The following PDZRN3 variants were observed in gnomAD, a reference collection of about 807,000 sequenced individuals.
PDZRN3 encodes the protein PDZ domain containing ring finger 3.
Under a neutral mutation model 85.7 loss-of-function variants are expected in PDZRN3, and 38 were observed. The observed-to-expected ratio is 0.44, with a 90% CI of 0.34 to 0.58. PDZRN3 has a LOEUF of 0.58. PDZRN3 is among the 20% of genes least tolerant of loss of function. The pLI, the probability that PDZRN3 is intolerant of heterozygous loss-of-function variation, is 0.01. For missense variants in PDZRN3, 1,629 were observed against 1,506.4 expected (o/e 1.08, Z -1.35); for synonymous variants, 759 against 638.0 (o/e 1.19, Z -2.86).
intron 3 of PDZRN3, among the ~76,000 whole-genome samples, chr3:73,539,301 G>A (rs1030076822): frequency 2.6e-5 from 4 of 152,272 alleles, no homozygotes; most frequent in Middle Eastern, 6.8e-3. Flanking sequence ...TTCAATCAAG[G>A]GATGTTTTGG....
intron 3 of PDZRN3, among the ~76,000 whole-genome samples, chr3:73,563,004 TATATATA>T (rs1362890290): frequency 8.3e-4 from 32 of 38,752 alleles, no homozygotes; most frequent in African/African-American, 2.8e-3. Context: ...TATATATATA[TATATATA>T]TATTTTTTTT....
chr3:73,520,630 C>T (rs79842636), intron 3 of PDZRN3, among the ~76,000 whole-genome samples: 2,204 of 151,892 alleles, frequency 0.015, 46 homozygotes, highest in African/African-American at 0.05. Flanking sequence ...AGCAGAGGGG[C>T]GGGAAAAGGA....
chr3:73,529,748 T>C (rs987656745), intron 3 of PDZRN3, among the ~76,000 whole-genome samples: 6 of 152,354 alleles, frequency 3.9e-5, no homozygotes, highest in Admixed American at 6.5e-5. Flanking sequence ...CTTGATTGAC[T>C]TACTCATTAA....
chr3:73,390,194 G>A (rs926501656), intron 6 of PDZRN3, among the ~76,000 whole-genome samples: 3 of 152,172 alleles, frequency 2.0e-5, no homozygotes, highest in African/African-American at 7.2e-5. Context: ...CAATGATGTA[G>A]AACAGGTTAA....
chr3:73,607,281 T>C (rs554524306), intron 2 of PDZRN3, among the ~76,000 whole-genome samples: 1 of 152,364 alleles, frequency 6.6e-6, no homozygotes, highest in African/African-American at 2.4e-5. Flanking sequence ...CGTAACTTTT[T>C]ATAAGGCACA....
chr3:73,410,066 G>A (rs1043578761), intron 3 of PDZRN3, among the ~76,000 whole-genome samples: 3 of 152,096 alleles, frequency 2.0e-5, no homozygotes, highest in African/African-American at 2.4e-5. Flanking sequence ...ATTTCATTCT[G>A]TAAAATATCA....
chr3:73,554,549 G>T (rs28422162), intron 3 of PDZRN3, among the ~76,000 whole-genome samples: 3 of 152,084 alleles, frequency 2.0e-5, no homozygotes, highest in African/African-American at 7.2e-5. Context: ...CATAATGTAC[G>T]TTCAAAGGGA....
chr3:73,522,760 A>G (rs1449030015), intron 3 of PDZRN3, among the ~76,000 whole-genome samples: 1 of 152,166 alleles, frequency 6.6e-6, no homozygotes, highest in Non-Finnish European at 1.5e-5. Context: ...TTTGAAAGAG[A>G]GAAACAATTC....
chr3:73,541,081 G>A (rs1342449298), intron 3 of PDZRN3, among the ~76,000 whole-genome samples: 1 of 152,152 alleles, frequency 6.6e-6, no homozygotes, highest in Non-Finnish European at 1.5e-5. Flanking sequence ...TCCATTTATG[G>A]AGGTTAATAA....
In PDZRN3 at chr3:73,455,075, G is replaced by A. The variant is rs989385584; in HGVS notation, c.919-50680C>T. Reference sequence around the variant, plus strand: ...AGTATTGAACCCTTATCATTTGAAAGTTACCCTCCCAGTTTTCACAGTAAG... The same window carrying A: ...AGTATTGAACCCTTATCATTTGAAAATTACCCTCCCAGTTTTCACAGTAAG... On this transcript the variant is annotated intron_variant, in intron 3 of 9. Coordinates refer to ENST00000263666, the MANE Select transcript of PDZRN3 (RefSeq NM_015009.3). Among the ~76,000 whole-genome samples the A allele has an allele frequency of 6.6e-5, 10 of 152,150 alleles. 1 individual carries two copies. The South Asian group carries it at 1.7e-3, about 25-fold the overall frequency.
intron 5 of PDZRN3, among the ~76,000 whole-genome samples, chr3:73,393,014 T>G (rs1701559854): frequency 6.6e-6 from 1 of 152,160 alleles, no homozygotes; most frequent in Non-Finnish European, 1.5e-5. Flanking sequence ...TAGGGTACAC[T>G]TCATTTGAAT....
intron 3 of PDZRN3, among the ~76,000 whole-genome samples, chr3:73,594,861 TGA>T (rs1187286516): frequency 2.0e-5 from 3 of 152,166 alleles, no homozygotes; most frequent in Admixed American, 6.6e-5. Context: ...ACTGACTTAT[TGA>T]GAGTGCAGCT....
intron 5 of PDZRN3, among the ~76,000 whole-genome samples, chr3:73,398,615 A>G (rs1240217884): frequency 6.6e-6 from 1 of 152,202 alleles, no homozygotes; most frequent in African/African-American, 2.4e-5. Flanking sequence ...TCCTGCTGAA[A>G]GCAGGATGCT....
chr3:73,571,197 T>C (rs1275631676), intron 3 of PDZRN3, among the ~76,000 whole-genome samples: 1 of 152,220 alleles, frequency 6.6e-6, no homozygotes, highest in Non-Finnish European at 1.5e-5. Context: ...ATGTTTTCCA[T>C]AAAATTACAT....
intron 3 of PDZRN3, among the ~76,000 whole-genome samples, chr3:73,428,322 C>T (rs1301168161): frequency 6.6e-6 from 1 of 152,220 alleles, no homozygotes; most frequent in Non-Finnish European, 1.5e-5. Flanking sequence ...CACATCCTCA[C>T]CTCCTTGGTC....
chr3:73,606,239 G>T (rs1702597935), intron 2 of PDZRN3, among the ~76,000 whole-genome samples: 1 of 152,228 alleles, frequency 6.6e-6, no homozygotes, highest in South Asian at 2.1e-4. Context: ...TATTAAAGTT[G>T]TTTCTCAAAA....
rs1221793548 is a variant in PDZRN3, at chr3:73,383,277, T to C, written c.*88A>G. The C allele has an allele frequency of 1.2e-5, 15 of 1,242,438 alleles. No homozygotes were observed. The highest frequency in any genetic ancestry group is 2.3e-5 in the East Asian group (1 of 42,902). 77.0% of individuals were successfully genotyped at this position (1,242,438 alleles called of 1,614,324 possible). ...AAACATGAAGACCGTACTTATCTTATATACAAAAACTTGCCGCATTGAACG... is the reference window on the plus strand; with the variant it reads ...AAACATGAAGACCGTACTTATCTTACATACAAAAACTTGCCGCATTGAACG... On this transcript the variant is annotated 3_prime_UTR_variant, in exon 10 of 10. Transcript: ENST00000263666.
chr3:73,518,937 G>A (rs1452937487), intron 3 of PDZRN3, among the ~76,000 whole-genome samples: 1 of 152,218 alleles, frequency 6.6e-6, no homozygotes, highest in Non-Finnish European at 1.5e-5. Context: ...CCTATGTAGT[G>A]AGGTTCCCTG....
Position 73,404,644 on chromosome 3 carries a change from A to AATGT in PDZRN3, c.919-253_919-250dup. ...GCGGGAAGGCTTAGCTTCCCCGTGG[A>AATGT]ATGTCTTTAACACAATTTCATCACT... On this transcript the variant is annotated intron_variant, in intron 3 of 9. Coordinates refer to ENST00000263666, the MANE Select transcript of PDZRN3 (RefSeq NM_015009.3). 6.7e-6 allele frequency: 3 copies of AATGT among 450,490 alleles called. No homozygotes were observed. In the South Asian group the frequency reaches 1.1e-4, roughly 16 times the overall value. The allele number at this position is 450,490 out of a possible 1,614,324, so 27.9% of individuals were successfully genotyped here.
Sources: allele counts gnomAD v4.1 joint callset (sites outside exome capture counted in the v4.1 genomes callset), GRCh38; gene constraint gnomAD v4.1.1; transcripts MANE v1.5; gene names NCBI Gene and HGNC (gene_info 2026-07-23, HGNC 2026-07-21).